The following ADGRV1 variants were observed in gnomAD, a reference collection of about 807,000 sequenced individuals.
ADGRV1 encodes the protein adhesion G protein-coupled receptor V1, also known as G-protein coupled receptor 98.
ADGRV1 carries 359 observed loss-of-function variants against 596.2 expected under a neutral mutation model. The observed-to-expected ratio is 0.60, with a 90% CI of 0.55 to 0.66. The LOEUF is 0.66. Ranked by LOEUF, ADGRV1 falls within the 30% of genes least tolerant of loss-of-function variation. The pLI, the probability that ADGRV1 is intolerant of heterozygous loss-of-function variation, is 0.00. For synonymous variants in ADGRV1, 2,681 were observed against 2,679.2 expected (o/e 1.00, Z -0.02); for missense variants, 7,274 against 7,575.6 (o/e 0.96, Z 1.48).
intron 34 of ADGRV1, 130 bp from the exon 35 acceptor site, chr5:90,703,535 A>G: frequency 1.6e-6 from 1 of 617,010 alleles, no homozygotes; most frequent in Non-Finnish European, 2.7e-6. Context: ...AATTCAAAAC[A>G]AAACAGCTTT....
chr5:91,157,853 A>G (rs1272196994), intron 89 of ADGRV1, among the ~76,000 whole-genome samples: 2 of 152,210 alleles, frequency 1.3e-5, no homozygotes, highest in Non-Finnish European at 2.9e-5. Flanking sequence ...GTACTCCTTG[A>G]AAAGGCATCA....
intron 78 of ADGRV1, among the ~76,000 whole-genome samples, chr5:90,843,389 G>C (rs916839513): frequency 6.6e-6 from 1 of 151,858 alleles, no homozygotes; most frequent in Non-Finnish European, 1.5e-5. Context: ...ATGTGATAAA[G>C]TGCTATTTAA....
intron 85 of ADGRV1, among the ~76,000 whole-genome samples, chr5:91,055,772 A>G (rs923774188): frequency 4.6e-5 from 7 of 152,236 alleles, no homozygotes; most frequent in Admixed American, 6.5e-5. Flanking sequence ...TCTCTGTTCT[A>G]TGTGACAACA....
At chr5:90,780,409 A>T (rs1758712826) in intron 64 of ADGRV1, among the ~76,000 whole-genome samples, 2 of 152,044 alleles carry the variant, frequency 1.3e-5, no homozygotes, top group Admixed American at 6.6e-5. Flanking sequence ...CAACCTTTCA[A>T]CTCTAGGTAG....
chr5:90,891,817 C>G (rs947812165), intron 83 of ADGRV1, among the ~76,000 whole-genome samples: 2 of 151,810 alleles, frequency 1.3e-5, no homozygotes, highest in Non-Finnish European at 2.9e-5. Flanking sequence ...ATTGCTTATC[C>G]ATGTAAATAT....
chr5:91,150,356 C>T (rs1434807052), intron 88 of ADGRV1, 135 bp downstream of exon 88: 2 of 626,346 alleles, frequency 3.2e-6, no homozygotes, highest in Admixed American at 3.7e-5. Flanking sequence ...ATGAATCACA[C>T]TAGGTGACTT....
At chr5:91,068,740 T>C (rs766483563) in intron 85 of ADGRV1, among the ~76,000 whole-genome samples, 28 of 151,888 alleles carry the variant, frequency 1.8e-4, no homozygotes, top group Non-Finnish European at 3.7e-4. Flanking sequence ...ATGCTATTCC[T>C]ATCAAACTAC....
chr5:90,848,570 T>A, intron 78 of ADGRV1, 67 bp from the exon 79 acceptor site: 1 of 824,228 alleles, frequency 1.2e-6, no homozygotes, highest in South Asian at 3.1e-5. Flanking sequence ...CACACATATA[T>A]GTATAGCATA....
At chr5:91,052,323 A>C (rs1786413948) in intron 85 of ADGRV1, among the ~76,000 whole-genome samples, 1 of 151,936 alleles carries the variant, frequency 6.6e-6, no homozygotes. Context: ...GTATTTTAGA[A>C]TCTAACTTTC....
intron 83 of ADGRV1, among the ~76,000 whole-genome samples, chr5:90,913,431 G>A (rs72784608): frequency 1.5e-3 from 232 of 152,102 alleles, no homozygotes; most frequent in Non-Finnish European, 2.7e-3. Context: ...TTATAATTTG[G>A]TAGAAGTTAT....
intron 87 of ADGRV1, among the ~76,000 whole-genome samples, chr5:91,126,175 G>T (rs1409716079): frequency 6.6e-6 from 1 of 152,136 alleles, no homozygotes; most frequent in Non-Finnish European, 1.5e-5. Flanking sequence ...TACAGAGCTG[G>T]CACAGAGTTC....
intron 87 of ADGRV1, among the ~76,000 whole-genome samples, chr5:91,114,400 G>A (rs927786400): frequency 3.3e-5 from 5 of 151,948 alleles, no homozygotes; most frequent in Non-Finnish European, 5.9e-5. Context: ...GGTGGCACAC[G>A]CCTGTAATTG....
intron 77 of ADGRV1, among the ~76,000 whole-genome samples, chr5:90,837,505 C>A (rs571840842): frequency 6.6e-6 from 1 of 151,438 alleles, no homozygotes; most frequent in African/African-American, 2.4e-5. Context: ...CGAGTAACTG[C>A]GATTACAGGC....
intron 85 of ADGRV1, among the ~76,000 whole-genome samples, chr5:91,050,650 G>A (rs1786235704): frequency 6.6e-6 from 1 of 152,044 alleles, no homozygotes; most frequent in African/African-American, 2.4e-5. Flanking sequence ...CTTGAACCCA[G>A]GAGTTCAAGA....
chr5:91,031,214 T>C, intron 85 of ADGRV1: 1 of 1,578,532 alleles, frequency 6.3e-7, no homozygotes, highest in Non-Finnish European at 8.7e-7. Context: ...CAGGAGTGTG[T>C]CCATGTGGTT....
intron 85 of ADGRV1, among the ~76,000 whole-genome samples, chr5:91,027,144 A>AACACACACACACACACACACACACACAC (rs1184010778): frequency 7.7e-6 from 1 of 129,128 alleles, no homozygotes; most frequent in Non-Finnish European, 1.6e-5. Flanking sequence ...ACAGTCTCAA[A>AACACACACACACACACACACACACACAC]ACACACACAC....
chr5:90,672,688 G>A lies in ADGRV1; in HGVS notation c.4895G>A (p.Gly1632Glu), dbSNP rs1772654450. 1 of 1,613,126 alleles carries A rather than the reference G, an allele frequency of 6.2e-7. No individual in the cohort carries two copies. Among genetic ancestry groups the A allele is most frequent in the African/African-American group, 1.3e-5 (1 of 74,898 alleles). Residue 1632 changes from glycine (G) to glutamate (E), a missense_variant, in exon 22 of 90, where the codon GGA becomes GAA. This residue lies in a region of ADGRV1 where 3,643 missense variants were observed against 3,809.2 expected (regional missense o/e 0.96). Transcript: ENST00000405460. ...GTTGATGACTTTGCTAATGCCAGTG[G>A]AACTATTACATTCCTTCCTTGGCAG... is the stretch of plus-strand genomic sequence containing the variant. Reference protein sequence around the residue: ...YLVDDFANASGTITFLPWQRS... With the variant: ...YLVDDFANASETITFLPWQRS...
intron 24 of ADGRV1, among the ~76,000 whole-genome samples, chr5:90,675,824 AAAG>A (rs1363801564): frequency 6.6e-6 from 1 of 152,096 alleles, no homozygotes; most frequent in Non-Finnish European, 1.5e-5. Context: ...TAAAAAAAGA[AAAG>A]AAAAGAAAGA....
intron 83 of ADGRV1, among the ~76,000 whole-genome samples, chr5:90,928,986 C>T (rs1305282260): frequency 1.0e-4 from 15 of 146,384 alleles, no homozygotes; most frequent in East Asian, 1.0e-3. Flanking sequence ...GCAGTCTGCC[C>T]GTTCTCAGAT....
Sources: allele counts gnomAD v4.1 joint callset (sites outside exome capture counted in the v4.1 genomes callset), GRCh38; gene constraint gnomAD v4.1.1; regional missense constraint gnomAD v4.1.1; transcripts MANE v1.5; gene names NCBI Gene and HGNC (gene_info 2026-07-23, HGNC 2026-07-21).